Variants in GPHN observed in about 807,000 individuals in gnomAD.
GPHN encodes gephyrin.
A neutral mutation model predicts 95.5 loss-of-function variants in GPHN; 17 were observed. The observed-to-expected ratio is 0.18, with a 90% CI of 0.12 to 0.27. The LOEUF (loss-of-function observed/expected upper bound fraction) is 0.27. Among genes scored for constraint, GPHN ranks in the 10% least tolerant of loss-of-function variants. The pLI, the probability that GPHN is intolerant of heterozygous loss-of-function variation, is 1.00. For missense variants in GPHN, 660 were observed against 978.1 expected (o/e 0.67, Z 4.34); for synonymous variants, 320 against 322.5 (o/e 0.99, Z 0.08).
intron 4 of GPHN, among the ~76,000 whole-genome samples, chr14:66,876,678 C>A (rs966764775): frequency 1.3e-5 from 2 of 151,802 alleles, no homozygotes; most frequent in Admixed American, 1.3e-4. Flanking sequence ...ACATACACCC[C>A]CCCAAGACTA....
chr14:67,250,727 G>A, the GPHN span, among the ~76,000 whole-genome samples: 5 of 152,110 alleles, frequency 3.3e-5, no homozygotes, highest in African/African-American at 1.2e-4. Flanking sequence ...ATTTGCATAA[G>A]GGTAATCAGT....
At chr14:67,030,956 A>G (rs953704014) in intron 10 of GPHN, among the ~76,000 whole-genome samples, 3 of 152,200 alleles carry the variant, frequency 2.0e-5, no homozygotes, top group Admixed American at 2.0e-4. Flanking sequence ...GAAAATAATG[A>G]ACATTAGCAA....
At chr14:67,284,442 A>AAAAAAAAAC in the GPHN span, among the ~76,000 whole-genome samples, 2 of 142,768 alleles carry the variant, frequency 1.4e-5, no homozygotes, top group African/African-American at 5.2e-5. Context: ...AAAAAAAAAA[A>AAAAAAAAAC]AACAGCTGGG....
chr14:66,522,662 AT>A (rs2058528316), intron 1 of GPHN, among the ~76,000 whole-genome samples: 1 of 151,994 alleles, frequency 6.6e-6, no homozygotes. Context: ...TTTTATATGT[AT>A]TCTTTTACTT....
intron 4 of GPHN, among the ~76,000 whole-genome samples, chr14:66,863,218 A>G (rs2063098990): frequency 6.6e-6 from 1 of 151,372 alleles, no homozygotes; most frequent in Admixed American, 6.6e-5. Flanking sequence ...AAAAAGTCCC[A>G]TTTACAATAG....
intron 2 of GPHN, among the ~76,000 whole-genome samples, chr14:66,764,769 A>T (rs1397622473): frequency 2.6e-5 from 4 of 152,106 alleles, no homozygotes; most frequent in Admixed American, 2.0e-4. Flanking sequence ...AATAGCACAA[A>T]TTTAAAATAT....
chr14:67,674,620 C>G, the GPHN span: 1 of 647,138 alleles, frequency 1.5e-6, no homozygotes, highest in Non-Finnish European at 2.4e-6. Flanking sequence ...GGACGAGGCT[C>G]TTCCGGAGCC....
chr14:67,095,590 T>C (rs1421975703), intron 12 of GPHN, among the ~76,000 whole-genome samples: 1 of 151,176 alleles, frequency 6.6e-6, no homozygotes, highest in Admixed American at 6.7e-5. Flanking sequence ...CATGGAATAC[T>C]ATGCAGCCAT....
chr14:66,809,675 G>A (rs1035932826), intron 3 of GPHN, among the ~76,000 whole-genome samples: 1 of 152,018 alleles, frequency 6.6e-6, no homozygotes, highest in African/African-American at 2.4e-5. Flanking sequence ...AAATAGTGTA[G>A]TCCTTATTTC....
At chr14:67,523,760 C>T in the GPHN span, among the ~76,000 whole-genome samples, 3 of 152,178 alleles carry the variant, frequency 2.0e-5, no homozygotes, top group East Asian at 1.9e-4. Context: ...TTGCCCACAG[C>T]GTAGGTCAAG....
At chr14:67,374,295 T>G in the GPHN span, among the ~76,000 whole-genome samples, 1 of 152,190 alleles carries the variant, frequency 6.6e-6, no homozygotes, top group African/African-American at 2.4e-5. Context: ...CCCAAGCATT[T>G]CTGATGAGGG....
chr14:66,549,034 A>G (rs933639968), intron 1 of GPHN, among the ~76,000 whole-genome samples: 2 of 152,146 alleles, frequency 1.3e-5, no homozygotes, highest in Non-Finnish European at 2.9e-5. Flanking sequence ...TTTTTATACT[A>G]TATCTCTAAG....
chr14:67,572,002 G>C, the GPHN span: 2 of 1,491,118 alleles, frequency 1.3e-6, no homozygotes, highest in Non-Finnish European at 1.8e-6. Context: ...ATCTGAGCTC[G>C]TGACCCCCCA....
chr14:66,688,636 G>C lies in GPHN; in HGVS notation c.143+7451G>C, dbSNP rs562301908. The stretch of plus-strand genomic sequence containing the variant: ...TTTCTATATGTCGTCTACAACATGG[G>C]AGATGAACGGGAACAAATTTGGATA... On this transcript the variant is annotated intron_variant, in intron 2 of 22. Transcript: ENST00000478722. Among the ~76,000 whole-genome samples the C allele has an allele frequency of 1.4e-4, 21 of 152,252 alleles. No individual in the cohort carries two copies. In the South Asian group the frequency reaches 3.9e-3, roughly 29 times the overall value.
chr14:67,422,197 G>C, the GPHN span, among the ~76,000 whole-genome samples: 4 of 152,052 alleles, frequency 2.6e-5, no homozygotes, highest in African/African-American at 9.7e-5. Flanking sequence ...CAGGCAACTA[G>C]GGACCACTCC....
chr14:67,628,730 G>C, the GPHN span, among the ~76,000 whole-genome samples: 9 of 152,192 alleles, frequency 5.9e-5, no homozygotes, highest in Non-Finnish European at 1.0e-4. Flanking sequence ...CAGAAAATAA[G>C]AAGTGTTGAT....
At chr14:66,772,771 A>G (rs1448351257) in intron 2 of GPHN, among the ~76,000 whole-genome samples, 1 of 152,200 alleles carries the variant, frequency 6.6e-6, no homozygotes, top group African/African-American at 2.4e-5. Flanking sequence ...TTTTTAGAAG[A>G]ATCAGATATA....
intron 5 of GPHN, among the ~76,000 whole-genome samples, chr14:66,911,270 G>C (rs2065662221): frequency 6.6e-6 from 1 of 151,878 alleles, no homozygotes; most frequent in Non-Finnish European, 1.5e-5. Context: ...GGAGTTGCAA[G>C]AAAATGTGGA....
chr14:67,628,276 A>G, the GPHN span, among the ~76,000 whole-genome samples: 3 of 152,168 alleles, frequency 2.0e-5, no homozygotes, highest in Admixed American at 2.0e-4. Context: ...TGTGGGGGCT[A>G]TTCACAGACA....
Sources: gnomAD v4.1 joint callset for allele counts (sites outside exome capture counted in the v4.1 genomes callset) on GRCh38, gnomAD v4.1.1 for gene constraint, MANE v1.5 for transcripts, NCBI Gene and HGNC (gene_info 2026-07-23, HGNC 2026-07-21) for gene names.